The following TENM1 variants were observed in gnomAD, a reference collection of about 807,000 sequenced individuals.
The protein encoded by TENM1 is teneurin-1.
A neutral mutation model predicts 174.8 loss-of-function variants in TENM1; 35 were observed. That is an observed-to-expected ratio of 0.20 (90% confidence interval 0.15 to 0.27). TENM1 has a LOEUF of 0.27. TENM1 is among the 10% of genes least tolerant of loss of function. The probability of loss-of-function intolerance (pLI) is 1.00; values close to 1 mark genes in which losing one functional copy is unlikely to be tolerated. For missense variants in TENM1, 1,633 were observed against 2,130.1 expected, an observed-to-expected ratio of 0.77 and a Z score of 4.59; for synonymous variants, 781 against 798.7, an observed-to-expected ratio of 0.98 and a Z score of 0.37.
chrX:125,178,197 T>C, the TENM1 span, among the ~76,000 whole-genome samples: 1 of 111,523 alleles, frequency 9.0e-6, no homozygotes, highest in Admixed American at 9.6e-5. Flanking sequence ...CATCTTATCA[T>C]ATTTTTGCTC....
intron 5 of TENM1, among the ~76,000 whole-genome samples, chrX:124,702,664 G>T (rs948050227): frequency 8.9e-6 from 1 of 111,824 alleles, no homozygotes; most frequent in African/African-American, 3.2e-5. Flanking sequence ...GAGCAGCAAG[G>T]CCTAGCACTC....
At chrX:125,042,874 T>C in the TENM1 span, among the ~76,000 whole-genome samples, 2 of 111,280 alleles carry the variant, frequency 1.8e-5, no homozygotes, top group African/African-American at 3.3e-5. Context: ...GGATGGATGA[T>C]AGGTGCCAAA....
chrX:124,730,567 C>T (rs1186209882), intron 4 of TENM1, among the ~76,000 whole-genome samples: 2 of 111,316 alleles, frequency 1.8e-5, no homozygotes, highest in Non-Finnish European at 1.9e-5. Flanking sequence ...AAGGAGACAA[C>T]GGATGCTGAT....
chrX:124,510,928 C>T lies in TENM1; in HGVS notation c.3302-7225G>A, dbSNP rs73215111. ...TTCAAAACGAAAACGCTGGTTGACTCACCAAATAGATTTCACAGTCTACTA... is the reference window on the plus strand; with the variant it reads ...TTCAAAACGAAAACGCTGGTTGACTTACCAAATAGATTTCACAGTCTACTA... On this transcript the variant is annotated intron_variant, in intron 18 of 31. Transcript: ENST00000422452. Among the ~76,000 whole-genome samples the T allele has an allele frequency of 6.2e-3, 699 of 112,110 alleles. 1 individual carries two copies. Among genetic ancestry groups the T allele is most frequent in the Middle Eastern group, 0.018 (4 of 218 alleles).
intron 1 of TENM1, among the ~76,000 whole-genome samples, chrX:124,937,640 C>A (rs746796845): frequency 6.3e-5 from 7 of 111,997 alleles, no homozygotes; most frequent in Non-Finnish European, 9.4e-5. Context: ...AGCACTACTA[C>A]GCAGCATCAG....
chrX:124,491,762 C>A (rs1313306473), intron 20 of TENM1, among the ~76,000 whole-genome samples: 1 of 111,868 alleles, frequency 8.9e-6, no homozygotes, highest in African/African-American at 3.2e-5. Context: ...TCAGATGTTT[C>A]AATTGGAAAC....
chrX:124,777,350 A>G (rs1430768918), intron 3 of TENM1, among the ~76,000 whole-genome samples: 1 of 111,269 alleles, frequency 9.0e-6, no homozygotes, highest in East Asian at 2.8e-4. Flanking sequence ...TATAAACTTA[A>G]CAGGAAGGAA....
At chrX:125,066,997 T>G in the TENM1 span, among the ~76,000 whole-genome samples, 1 of 111,505 alleles carries the variant, frequency 9.0e-6, no homozygotes, top group Non-Finnish European at 1.9e-5. Context: ...AAGGAACTTG[T>G]GGCCAAAATG....
chrX:124,640,961 CAAAA>C (rs59598996), intron 11 of TENM1, among the ~76,000 whole-genome samples: 1 of 57,777 alleles, frequency 1.7e-5, no homozygotes, highest in South Asian at 1.1e-3. Flanking sequence ...AATCCATCTC[CAAAA>C]AAAAAAAAAA....
chrX:124,568,658 T>C (rs2048992202), intron 11 of TENM1, among the ~76,000 whole-genome samples: 1 of 111,499 alleles, frequency 9.0e-6, no homozygotes, highest in South Asian at 3.8e-4. Context: ...TGATGAGAAC[T>C]AGAAAATCTA....
At chrX:124,617,123 C>G (rs754137829) in intron 11 of TENM1, among the ~76,000 whole-genome samples, 1 of 111,688 alleles carries the variant, frequency 9.0e-6, no homozygotes, top group South Asian at 3.8e-4. Flanking sequence ...GTTTTGAGTG[C>G]TGGTACTACT....
At chrX:124,463,654 C>A (rs1384938414) in intron 22 of TENM1, among the ~76,000 whole-genome samples, 2 of 111,071 alleles carry the variant, frequency 1.8e-5, no homozygotes, top group African/African-American at 6.6e-5. Context: ...GGTGTAAAAG[C>A]CTTCAAGCTT....
intron 5 of TENM1, among the ~76,000 whole-genome samples, chrX:124,700,322 G>A (rs1040475995): frequency 9.0e-6 from 1 of 111,385 alleles, no homozygotes; most frequent in African/African-American, 3.3e-5. Context: ...TTGGAAAGAA[G>A]GGAAACAAAA....
At chrX:125,172,158 A>G in the TENM1 span, among the ~76,000 whole-genome samples, 2 of 111,812 alleles carry the variant, frequency 1.8e-5, no homozygotes, top group Admixed American at 1.9e-4. Context: ...TTTAAAAATG[A>G]GAAAGTCAAG....
chrX:124,972,326 T>C, the TENM1 span, among the ~76,000 whole-genome samples: 1 of 112,006 alleles, frequency 8.9e-6, no homozygotes, highest in South Asian at 3.8e-4. Context: ...TCACAGTCTG[T>C]TTGCCATTTT....
intron 6 of TENM1, among the ~76,000 whole-genome samples, chrX:124,655,873 G>T (rs2051428104): frequency 9.0e-6 from 1 of 111,635 alleles, no homozygotes; most frequent in Admixed American, 9.5e-5. Flanking sequence ...TTTTTTCCAT[G>T]TGAGACAGAT....
chrX:124,494,301 A>C (rs766280057), intron 20 of TENM1, among the ~76,000 whole-genome samples: 1 of 111,144 alleles, frequency 9.0e-6, no homozygotes, highest in Non-Finnish European at 1.9e-5. Context: ...TGAAGAAAAA[A>C]TTGTTTTATG....
chrX:124,570,705 TAA>T (rs1025583543), intron 11 of TENM1, among the ~76,000 whole-genome samples: 1 of 111,969 alleles, frequency 8.9e-6, no homozygotes, highest in African/African-American at 3.2e-5. Flanking sequence ...AAGGAAATTT[TAA>T]GTTAACTTGT....
At chrX:124,687,129 G>A in intron 5 of TENM1, among the ~76,000 whole-genome samples, 1 of 111,240 alleles carries the variant, frequency 9.0e-6, no homozygotes, top group Non-Finnish European at 1.9e-5. Context: ...CCAAAAAAGA[G>A]CCCATATAGC....
Sources: allele counts gnomAD v4.1 joint callset (sites outside exome capture counted in the v4.1 genomes callset), GRCh38; gene constraint gnomAD v4.1.1; transcripts MANE v1.5; gene names NCBI Gene and HGNC (gene_info 2026-07-23, HGNC 2026-07-21).